NAALADL2: variants seen among roughly 807,000 people sequenced by gnomAD.
The protein encoded by NAALADL2 is N-acetylated alpha-linked acidic dipeptidase like 2.
In NAALADL2, 76 loss-of-function variants were observed where a neutral mutation model predicts 87.2. The ratio of observed to expected loss-of-function variants is 0.87; its 90% CI spans 0.72 to 1.05. NAALADL2 has a LOEUF of 1.05. Among genes scored for constraint, NAALADL2 ranks in the 50% least tolerant of loss-of-function variants. The probability of loss-of-function intolerance (pLI) is 0.00; values close to 1 mark genes in which losing one functional copy is unlikely to be tolerated. For missense variants in NAALADL2, 1,089 were observed against 945.8 expected, an observed-to-expected ratio of 1.15 and a Z score of -1.99; for synonymous variants, 354 against 331.0, an observed-to-expected ratio of 1.07 and a Z score of -0.75.
intron 1 of NAALADL2, among the ~76,000 whole-genome samples, chr3:174,460,883 C>T (rs763164462): frequency 2.6e-5 from 4 of 151,932 alleles, no homozygotes; most frequent in Non-Finnish European, 4.4e-5. Flanking sequence ...ATTTTTCTTT[C>T]CTCCTTCCAT....
chr3:175,093,401 G>A (rs1476628096), intron 1 of NAALADL2, among the ~76,000 whole-genome samples: 2 of 87,866 alleles, frequency 2.3e-5, no homozygotes, highest in Middle Eastern at 0.011. Flanking sequence ...TTTTTGTTGA[G>A]TTCATTTTAT....
intron 2 of NAALADL2, among the ~76,000 whole-genome samples, chr3:174,731,679 A>G (rs1242757012): frequency 6.6e-6 from 1 of 152,184 alleles, no homozygotes; most frequent in African/African-American, 2.4e-5. Flanking sequence ...CCCTATCTCA[A>G]GAATTTCTGA....
chr3:174,455,409 T>G (rs1238683412), intron 1 of NAALADL2, among the ~76,000 whole-genome samples: 1 of 152,056 alleles, frequency 6.6e-6, no homozygotes, highest in Non-Finnish European at 1.5e-5. Flanking sequence ...ATATCAAAAC[T>G]TGGCAGAGAC....
At chr3:175,251,673 T>G (rs1749095015) in intron 3 of NAALADL2, among the ~76,000 whole-genome samples, 1 of 152,220 alleles carries the variant, frequency 6.6e-6, no homozygotes, top group African/African-American at 2.4e-5. Context: ...AAAAATGACT[T>G]GGCATTTTAT....
chr3:174,549,456 C>A (rs925457558), intron 1 of NAALADL2, among the ~76,000 whole-genome samples: 14 of 152,100 alleles, frequency 9.2e-5, no homozygotes, highest in African/African-American at 3.1e-4. Context: ...TATAAAATCA[C>A]CTGGTGTCAA....
chr3:175,354,202 C>T (rs575602857), intron 5 of NAALADL2, among the ~76,000 whole-genome samples: 3 of 152,194 alleles, frequency 2.0e-5, no homozygotes, highest in Admixed American at 6.5e-5. Context: ...ATCGATGACA[C>T]CTTGATCATG....
At chr3:175,108,998 A>G (rs975955693) in intron 2 of NAALADL2, among the ~76,000 whole-genome samples, 1 of 151,878 alleles carries the variant, frequency 6.6e-6, no homozygotes, top group East Asian at 1.9e-4. Context: ...TGGGTATAAC[A>G]TGTGGTCCAG....
intron 1 of NAALADL2, among the ~76,000 whole-genome samples, chr3:174,925,698 A>G (rs1439820547): frequency 6.6e-6 from 1 of 152,122 alleles, no homozygotes; most frequent in Non-Finnish European, 1.5e-5. Context: ...GATTCTTCCT[A>G]TCCATGAACA....
intron 3 of NAALADL2, among the ~76,000 whole-genome samples, chr3:175,251,202 G>T (rs540034080): frequency 6.6e-6 from 1 of 152,224 alleles, no homozygotes; most frequent in Admixed American, 6.5e-5. Context: ...ACCACTCTTT[G>T]TCGTCATCCC....
intron 5 of NAALADL2, among the ~76,000 whole-genome samples, chr3:175,377,036 G>A (rs1324644051): frequency 6.6e-6 from 1 of 152,046 alleles, no homozygotes; most frequent in African/African-American, 2.4e-5. Flanking sequence ...ATTTAGGCCA[G>A]ATGCAGTGGC....
chr3:174,530,721 C>G (rs1721164252), intron 1 of NAALADL2, among the ~76,000 whole-genome samples: 3 of 152,156 alleles, frequency 2.0e-5, no homozygotes, highest in Admixed American at 1.3e-4. Flanking sequence ...GAGACTTATT[C>G]ACCCACTGAA....
intron 13 of NAALADL2, among the ~76,000 whole-genome samples, chr3:175,779,489 C>A (rs1750720965): frequency 6.6e-6 from 1 of 151,754 alleles, no homozygotes; most frequent in Non-Finnish European, 1.5e-5. Context: ...AGTGTTCTTC[C>A]TACCTCAATA....
At chr3:174,570,495 T>C (rs1714802296) in intron 2 of NAALADL2, among the ~76,000 whole-genome samples, 1 of 152,148 alleles carries the variant, frequency 6.6e-6, no homozygotes, top group South Asian at 2.1e-4. Flanking sequence ...TCGTGGCATC[T>C]TTACAGTCCT....
At chr3:175,295,224 C>T (rs1160595785) in intron 4 of NAALADL2, among the ~76,000 whole-genome samples, 1 of 152,040 alleles carries the variant, frequency 6.6e-6, no homozygotes, top group East Asian at 1.9e-4. Flanking sequence ...AGAGAGTTTC[C>T]AGTTCTTCAT....
At chr3:174,590,384 A>T (rs1187065986) in intron 2 of NAALADL2, among the ~76,000 whole-genome samples, 1 of 152,188 alleles carries the variant, frequency 6.6e-6, no homozygotes, top group Non-Finnish European at 1.5e-5. Flanking sequence ...ATTTTAAAAG[A>T]TACTGTATAA....
At position 174,997,062 on chromosome 3, in the gene NAALADL2, T is replaced by C. The variant is rs58333752; in HGVS notation, c.44-99728T>C. 6.0e-3 allele frequency among the ~76,000 whole-genome samples: 855 copies of C among 142,406 alleles called. 7 individuals are homozygous for C. Among genetic ancestry groups the C allele is most frequent in the Non-Finnish European group, 9.6e-3 (630 of 65,524 alleles). The allele number at this position is 142,406 out of a possible 152,430, so 93.4% of individuals were successfully genotyped here. On this transcript the variant is annotated intron_variant, in intron 1 of 13. Coordinates refer to ENST00000454872, the MANE Select transcript of NAALADL2 (RefSeq NM_207015.3). The stretch of plus-strand genomic sequence containing the variant: ...TGTATGTGTATATATATATATATTT[T>C]TTTTTTTAATCCACTCGTTGGTCCA...
At chr3:174,675,371 G>A (rs1726949586) in intron 2 of NAALADL2, among the ~76,000 whole-genome samples, 2 of 151,742 alleles carry the variant, frequency 1.3e-5, no homozygotes, top group African/African-American at 4.8e-5. Flanking sequence ...TGAAACAACT[G>A]GTGAAGAGAA....
rs563981616 is a variant in NAALADL2, at chr3:175,334,698, A to G, written c.1090+10373A>G. On this transcript the variant is annotated intron_variant, in intron 5 of 13. Coordinates refer to ENST00000454872, the MANE Select transcript of NAALADL2 (RefSeq NM_207015.3). ...CCACATCAGTTCTTAGAGACTGACA[A>G]TGGTCAGATTGTCCAGAAGCAGGTA... Among the ~76,000 whole-genome samples, 16 of 152,244 alleles carry G rather than the reference A, an allele frequency of 1.1e-4. No homozygotes were observed. The South Asian group carries it at 3.3e-3, about 31-fold the overall frequency.
At chr3:175,633,862 T>G (rs1401681277) in intron 11 of NAALADL2, among the ~76,000 whole-genome samples, 12 of 151,668 alleles carry the variant, frequency 7.9e-5, no homozygotes. Flanking sequence ...TTCCTGTTTT[T>G]GTAATATGTA....
Sources: allele counts gnomAD v4.1 joint callset (sites outside exome capture counted in the v4.1 genomes callset), GRCh38; gene constraint gnomAD v4.1.1; transcripts MANE v1.5; gene names NCBI Gene and HGNC (gene_info 2026-07-23, HGNC 2026-07-21).